The following MAP2K2 variants were observed in gnomAD, a reference collection of about 807,000 sequenced individuals.
The protein encoded by MAP2K2 is dual specificity mitogen-activated protein kinase kinase 2.
MAP2K2 carries 24 observed loss-of-function variants against 43.7 expected under a neutral mutation model. The observed-to-expected ratio is 0.55, with a 90% CI of 0.40 to 0.77. MAP2K2 has a LOEUF of 0.77. MAP2K2 is among the 30% of genes least tolerant of loss of function. The pLI, the probability that MAP2K2 is intolerant of heterozygous loss-of-function variation, is 0.00. For synonymous variants in MAP2K2, 244 were observed against 239.7 expected, an observed-to-expected ratio of 1.02 and a Z score of -0.17; for missense variants, 470 against 566.8, an observed-to-expected ratio of 0.83 and a Z score of 1.73.
At chr19:4,107,175 C>T (rs1240220971) in intron 3 of MAP2K2, among the ~76,000 whole-genome samples, 2 of 150,578 alleles carry the variant, frequency 1.3e-5, no homozygotes, top group South Asian at 2.1e-4. Flanking sequence ...GCGGGAGAAT[C>T]GTTTGAGCCC....
rs775213593 is a variant in MAP2K2 at position 4,110,546 on chromosome 19, T to C, written c.413A>G (p.Tyr138Cys). The C allele has an allele frequency of 6.2e-7, 1 of 1,613,942 alleles. No homozygotes were observed. The highest frequency in any genetic ancestry group is 1.1e-5 in the South Asian group (1 of 91,082). Residue 138 changes from tyrosine to cysteine, a missense_variant, in exon 3 of 11, where the codon TAC becomes TGC. Tyr to Cys is a radical substitution (Grantham distance 194). Around this residue, in one of 3 missense-constraint regions of MAP2K2, gnomAD observed 200 missense variants for 297.9 expected, o/e 0.67. Transcript: ENST00000262948. Reference sequence around the variant, plus strand: ...GCAAATGCTGATCTCCCCGTCACTGTAGAAGGCCCCGTAGAAGCCCACGAT... The same window carrying C: ...GCAAATGCTGATCTCCCCGTCACTGCAGAAGGCCCCGTAGAAGCCCACGAT... ...PYIVGFYGAFYSDGEISICME... is the reference protein window; with the variant it reads ...PYIVGFYGAFCSDGEISICME...
rs1326008996 is a variant in MAP2K2 at position 4,099,243 on chromosome 19, T to C, written c.877A>G (p.Ser293Gly). 6.2e-7 allele frequency: 1 copy of C among 1,606,214 alleles called. No individual in the cohort carries two copies. Among genetic ancestry groups the C allele is most frequent in the Non-Finnish European group, 8.5e-7 (1 of 1,176,912 alleles). The change falls in exon 7 of 11, where the codon AGC becomes GGC. Residue 293 changes from serine to glycine, a missense_variant. Physicochemically the swap from Ser to Gly is moderately conservative, Grantham distance 56 (BLOSUM62 0). Transcript: ENST00000262948. ...VVDGEEGEPHSISPRPRPPGR... is the reference protein window; with the variant it reads ...VVDGEEGEPHGISPRPRPPGR... ...GGGGGCCTCGGCCGAGGCGAGATGCTGTGAGGCTCTCCTTCTTCCCCGTCG... is the reference window on the plus strand; with the variant it reads ...GGGGGCCTCGGCCGAGGCGAGATGCCGTGAGGCTCTCCTTCTTCCCCGTCG...
chr19:4,108,385 C>T (rs559961606), intron 3 of MAP2K2, among the ~76,000 whole-genome samples: 39 of 152,010 alleles, frequency 2.6e-4, no homozygotes, highest in Admixed American at 8.5e-4. Context: ...GGACTACAGG[C>T]ACCCGCCACC....
chr19:4,111,555 A>T (rs1043073491), intron 2 of MAP2K2, among the ~76,000 whole-genome samples: 1 of 152,112 alleles, frequency 6.6e-6, no homozygotes, highest in African/African-American at 2.4e-5. Flanking sequence ...CGCCCCTGAG[A>T]ATTCTCCCTC....
chr19:4,096,218 G>A lies in MAP2K2; in HGVS notation c.985-769C>T, dbSNP rs745939190. Among the ~76,000 whole-genome samples the A allele has an allele frequency of 3.4e-4, 52 of 152,222 alleles. 1 individual carries two copies. The highest frequency in any genetic ancestry group is 6.2e-4 in the Non-Finnish European group (42 of 68,032). On this transcript the variant is annotated intron_variant, in intron 8 of 10. Transcript: ENST00000262948. ...GGGGCAGGGGCGGGAAGAGGCGGGGGAGAGGTCGGGGGATGTGCTCACTGG... is the reference window on the plus strand; with the variant it reads ...GGGGCAGGGGCGGGAAGAGGCGGGGAAGAGGTCGGGGGATGTGCTCACTGG...
chr19:4,101,393 G>T lies in MAP2K2; in HGVS notation c.529-113C>A. 8.1e-7 allele frequency: 1 copy of T among 1,230,708 alleles called. No individual in the cohort carries two copies. Among genetic ancestry groups the T allele is most frequent in the Non-Finnish European group, 1.2e-6 (1 of 856,904 alleles). The allele number at this position is 1,230,708 out of a possible 1,614,324, so 76.2% of individuals were successfully genotyped here. Reference sequence around the variant, plus strand: ...AGCTGGAGCGAGGGAGCTGCGGCAGGAACCATTTCAGGCTGTGAGGAGCTC... The same window carrying T: ...AGCTGGAGCGAGGGAGCTGCGGCAGTAACCATTTCAGGCTGTGAGGAGCTC... On this transcript the variant is annotated intron_variant, in intron 4 of 10. Transcript: ENST00000262948. The surrounding 1 kb of genome is among the most constrained non-coding windows in gnomAD (Gnocchi z 6.3).
At chr19:4,094,741 G>A (rs771205187) in intron 9 of MAP2K2, 8 of 559,180 alleles carry the variant, frequency 1.4e-5, no homozygotes, top group Non-Finnish European at 2.3e-5. Context: ...GGGAAAGAGG[G>A]TGGGAAACCC....
intron 1 of MAP2K2, 89 bp from the exon 2 acceptor site, chr19:4,117,718 G>A (rs1384682895): frequency 6.1e-6 from 7 of 1,155,324 alleles, no homozygotes; most frequent in Non-Finnish European, 9.1e-6. Flanking sequence ...CGGCCCCCAG[G>A]AGGACACAGA....
rs370241745 is a variant in MAP2K2 at position 4,101,329 on chromosome 19, G to C, written c.529-49C>G. 2.8e-4 allele frequency: 433 copies of C among 1,549,422 alleles called. 5 individuals are homozygous for C. The African/African-American group carries it at 5.3e-3, about 19-fold the overall frequency. On this transcript the variant is annotated intron_variant, in intron 4 of 10. Transcript: ENST00000262948. This position sits in a 1 kb window ranked among gnomAD's most constrained non-coding sequence, Gnocchi z 6.3. Reference sequence around the variant, plus strand: ...CACGGGACAAGGCCACCAGGGCTTAGCTCCTGACCGAGCCCGGGGGTCAGA... The same window carrying C: ...CACGGGACAAGGCCACCAGGGCTTACCTCCTGACCGAGCCCGGGGGTCAGA...
At position 4,099,185 on chromosome 19, in the gene MAP2K2, C is replaced by T. The variant is rs1304452894; in HGVS notation, c.919+16G>A. 11 of 1,589,680 alleles carry T rather than the reference C, an allele frequency of 6.9e-6. No individual in the cohort carries two copies. Among genetic ancestry groups the T allele is most frequent in the Non-Finnish European group, 9.4e-6 (11 of 1,169,550 alleles). On this transcript the variant is annotated intron_variant, in intron 7 of 10. Transcript: ENST00000262948. Reference sequence around the variant, plus strand: ...CACTGCGCGTCCAGACCGGAAGTTGCAGATTCAGGCCGTACCGCTGACGGG... The same window carrying T: ...CACTGCGCGTCCAGACCGGAAGTTGTAGATTCAGGCCGTACCGCTGACGGG...
At chr19:4,103,296 G>T in intron 3 of MAP2K2, 1 of 978,938 alleles carries the variant, frequency 1.0e-6, no homozygotes, top group Non-Finnish European at 1.2e-6. Context: ...GAAATTCCAT[G>T]TCTTGCCCAA....
rs764384410 is a variant in MAP2K2, at chr19:4,117,470, C to T, written c.252G>A (p.Gly84=). ...RISELGAGNG[G]VVTKVQHRPS... Reference sequence around the variant, plus strand: ...GTCTGTGCTGGACTTTGGTGACCACCCCGCCGTTGCCCGCGCCCAGCTCTG... The same window carrying T: ...GTCTGTGCTGGACTTTGGTGACCACTCCGCCGTTGCCCGCGCCCAGCTCTG... Residue 84 remains glycine (G), a synonymous_variant, in exon 2 of 11, where the codon GGG becomes GGA. Coordinates refer to ENST00000262948, the MANE Select transcript of MAP2K2 (RefSeq NM_030662.4). 6.2e-7 allele frequency: 1 copy of T among 1,614,090 alleles called. No individual in the cohort carries two copies. The highest frequency in any genetic ancestry group is 8.5e-7 in the Non-Finnish European group (1 of 1,180,044).
At chr19:4,111,047 CATAAT>C (rs1167165041) in intron 2 of MAP2K2, among the ~76,000 whole-genome samples, 2 of 152,092 alleles carry the variant, frequency 1.3e-5, no homozygotes, top group Non-Finnish European at 2.9e-5. Flanking sequence ...CAAAAGGCCA[CATAAT>C]ATGTGATCCC....
chr19:4,092,397 T>G (rs1397807654), intron 10 of MAP2K2, among the ~76,000 whole-genome samples: 2 of 152,112 alleles, frequency 1.3e-5, no homozygotes, highest in African/African-American at 4.8e-5. Flanking sequence ...GAGACTGGCC[T>G]GGTCAACATG....
intron 2 of MAP2K2, among the ~76,000 whole-genome samples, chr19:4,114,896 C>T (rs1189064262): frequency 1.3e-5 from 2 of 151,624 alleles, no homozygotes; most frequent in Non-Finnish European, 3.0e-5. Flanking sequence ...TGCCACTGCA[C>T]TCCAGTCTGG....
chr19:4,102,886 T>G, intron 3 of MAP2K2: 1 of 1,159,816 alleles, frequency 8.6e-7, no homozygotes. Context: ...CTGCGTCCTC[T>G]TCCCAGCACA....
At chr19:4,118,653 A>G (rs2145082473) in intron 1 of MAP2K2, among the ~76,000 whole-genome samples, 1 of 152,296 alleles carries the variant, frequency 6.6e-6, no homozygotes, top group Middle Eastern at 3.4e-3. Context: ...TGAGACCTAT[A>G]GCCGAGCACA....
At position 4,099,281 on chromosome 19, in the gene MAP2K2, C is replaced by T. The variant is rs1260963577; in HGVS notation, c.839G>A (p.Gly280Asp). 6.2e-7 allele frequency: 1 copy of T among 1,606,310 alleles called. No homozygotes were observed. Among genetic ancestry groups the T allele is most frequent in the Non-Finnish European group, 8.5e-7 (1 of 1,176,904 alleles). The stretch of plus-strand genomic sequence containing the variant: ...TTCTTCCCCGTCGACCACGGGCCGG[C>T]CAAAGATGGCCTCCAGCTCTTTGGC... The part of the protein sequence containing the change: ...PDAKELEAIF[G>D]RPVVDGEEGE... The change falls in exon 7 of 11, where the codon GGC (glycine) becomes GAC (aspartate). Residue 280 changes from glycine to aspartate, a missense_variant. Coordinates refer to ENST00000262948, the MANE Select transcript of MAP2K2 (RefSeq NM_030662.4).
At chr19:4,095,103 C>G (rs942056911) in intron 9 of MAP2K2, 4 of 425,192 alleles carry the variant, frequency 9.4e-6, no homozygotes, top group South Asian at 3.0e-5. Context: ...GGGGACCAGA[C>G]AGAGGCTTCT....
Sources: allele counts gnomAD v4.1 joint callset (sites outside exome capture counted in the v4.1 genomes callset), GRCh38; gene constraint gnomAD v4.1.1; regional missense constraint gnomAD v4.1.1; non-coding constraint Gnocchi (gnomAD v3.1); transcripts MANE v1.5; gene names NCBI Gene and HGNC (gene_info 2026-07-23, HGNC 2026-07-21).